The following SGIP1 variants were observed in gnomAD, a reference collection of about 807,000 sequenced individuals.
The protein encoded by SGIP1 is SH3-containing GRB2-like protein 3-interacting protein 1.
SGIP1 carries 38 observed loss-of-function variants against 107.5 expected under a neutral mutation model. The ratio of observed to expected loss-of-function variants is 0.35; its 90% CI spans 0.27 to 0.46. SGIP1 has a LOEUF of 0.46. Ranked by LOEUF, SGIP1 falls within the 20% of genes least tolerant of loss-of-function variation. The pLI, the probability that SGIP1 is intolerant of heterozygous loss-of-function variation, is 1.00. For missense variants in SGIP1, 929 were observed against 1,019.5 expected (o/e 0.91, Z 1.21); for synonymous variants, 365 against 366.1 (o/e 1.00, Z 0.03).
At chr1:66,572,434 A>G (rs185741905) in intron 1 of SGIP1, among the ~76,000 whole-genome samples, 90 of 152,186 alleles carry the variant, frequency 5.9e-4, no homozygotes, top group Middle Eastern at 3.4e-3. Flanking sequence ...CCGACCCAGC[A>G]ATACCTAATT....
chr1:66,718,330 A>T (rs1203668237), intron 18 of SGIP1, among the ~76,000 whole-genome samples: 1 of 152,130 alleles, frequency 6.6e-6, no homozygotes, highest in Non-Finnish European at 1.5e-5. Flanking sequence ...ACAAAAAAAA[A>T]ATCTTAAATG....
At chr1:66,566,944 G>A (rs1449936540) in intron 1 of SGIP1, among the ~76,000 whole-genome samples, 1 of 151,886 alleles carries the variant, frequency 6.6e-6, no homozygotes, top group Non-Finnish European at 1.5e-5. Flanking sequence ...TTTCACTTAT[G>A]AGTGTGAACA....
At chr1:66,733,576 T>C (rs974617170) in intron 20 of SGIP1, among the ~76,000 whole-genome samples, 172 bp from the exon 21 acceptor site, 5 of 152,232 alleles carry the variant, frequency 3.3e-5, no homozygotes, top group African/African-American at 7.2e-5. Context: ...ACCATAGCAT[T>C]CAGAACTGTA....
chr1:66,734,667 G>A (rs1251040060), intron 21 of SGIP1, among the ~76,000 whole-genome samples: 1 of 151,868 alleles, frequency 6.6e-6, no homozygotes, highest in East Asian at 1.9e-4. Context: ...ACCAAGCCCT[G>A]CTAATTTTTT....
chr1:66,604,056 A>G (rs1396990830), intron 1 of SGIP1, among the ~76,000 whole-genome samples: 1 of 152,168 alleles, frequency 6.6e-6, no homozygotes, highest in Non-Finnish European at 1.5e-5. Flanking sequence ...TAGTTTATGA[A>G]TCCCCGTTAT....
chr1:66,651,493 GA>G (rs58928879), intron 7 of SGIP1, among the ~76,000 whole-genome samples: 19,545 of 151,836 alleles, frequency 0.13, 1,345 homozygotes, highest in Admixed American at 0.18. Context: ...TCTCTTTCTA[GA>G]AAAAAAAGTT....
At chr1:66,559,411 C>T (rs2058625343) in intron 1 of SGIP1, among the ~76,000 whole-genome samples, 1 of 152,060 alleles carries the variant, frequency 6.6e-6, no homozygotes, top group Non-Finnish European at 1.5e-5. Context: ...TACCTACACA[C>T]ACCTACATAA....
At position 66,711,772 on chromosome 1, in the gene SGIP1, T is replaced by A. The variant is rs544330891; in HGVS notation, c.1631-7522T>A. Among the ~76,000 whole-genome samples the A allele has an allele frequency of 2.0e-5, 3 of 152,260 alleles. No homozygotes were observed. In the East Asian group the frequency reaches 5.8e-4, roughly 29 times the overall value. On this transcript the variant is annotated intron_variant, in intron 18 of 24. Transcript: ENST00000371037. ...AGTCTTTAAACAAATCAGACCACTC[T>A]CTCCTGCTGCCCATGCTTCAGATTG...
intron 18 of SGIP1, among the ~76,000 whole-genome samples, chr1:66,708,076 C>T (rs1296225310): frequency 6.6e-6 from 1 of 152,128 alleles, no homozygotes; most frequent in East Asian, 1.9e-4. Flanking sequence ...TAGGGGCAAA[C>T]ATCTTTAACA....
chr1:66,633,244 G>T (rs2149399938), intron 3 of SGIP1, 150 bp downstream of exon 3: 1 of 649,876 alleles, frequency 1.5e-6, no homozygotes, highest in Non-Finnish European at 2.7e-6. Flanking sequence ...TATATTAATT[G>T]CATGGGACAT....
chr1:66,705,844 G>T (rs6668681), intron 18 of SGIP1, among the ~76,000 whole-genome samples: 64,242 of 151,728 alleles, frequency 0.42, 14,164 homozygotes, highest in East Asian at 0.72. Flanking sequence ...CACAGGGAGG[G>T]GAACAACACA....
intron 18 of SGIP1, among the ~76,000 whole-genome samples, chr1:66,709,109 G>A (rs2092726549): frequency 6.6e-6 from 1 of 152,010 alleles, no homozygotes; most frequent in African/African-American, 2.4e-5. Flanking sequence ...GTATACATGT[G>A]CCATGGTGGT....
At chr1:66,676,959 GA>G in intron 12 of SGIP1, 44 bp from the exon 13 acceptor site, 1 of 1,500,810 alleles carries the variant, frequency 6.7e-7, no homozygotes. Flanking sequence ...AAAGTATGGG[GA>G]TTTTTTTTAA....
chr1:66,600,545 TAGG>T (rs1440864824), intron 1 of SGIP1, among the ~76,000 whole-genome samples: 1 of 152,076 alleles, frequency 6.6e-6, no homozygotes, highest in Non-Finnish European at 1.5e-5. Context: ...GAAGCACAAG[TAGG>T]AGTTTTGCTG....
chr1:66,651,969 C>T (rs904301474), intron 7 of SGIP1, among the ~76,000 whole-genome samples: 1 of 152,104 alleles, frequency 6.6e-6, no homozygotes, highest in African/African-American at 2.4e-5. Flanking sequence ...AATGCCCAGT[C>T]ATGATCAAAA....
chr1:66,703,146 C>G (rs1055048042), intron 18 of SGIP1, among the ~76,000 whole-genome samples: 2 of 152,316 alleles, frequency 1.3e-5, no homozygotes, highest in East Asian at 3.9e-4. Flanking sequence ...TCCATGAGCT[C>G]TTCTAGCTAC....
intron 1 of SGIP1, among the ~76,000 whole-genome samples, chr1:66,544,734 A>T (rs2055938089): frequency 1.3e-5 from 2 of 152,104 alleles, no homozygotes; most frequent in Admixed American, 6.6e-5. Flanking sequence ...TAGGTGATCT[A>T]CCTGTGCACC....
chr1:66,559,304 A>G (rs949954480), intron 1 of SGIP1, among the ~76,000 whole-genome samples: 1 of 152,048 alleles, frequency 6.6e-6, no homozygotes, highest in African/African-American at 2.4e-5. Context: ...CATTTTTCAA[A>G]TATTAGGGCA....
intron 8 of SGIP1, among the ~76,000 whole-genome samples, chr1:66,665,269 A>T (rs1194415138): frequency 6.6e-6 from 1 of 152,122 alleles, no homozygotes; most frequent in African/African-American, 2.4e-5. Context: ...GATGGTTTCC[A>T]GCTTCATCCA....
Sources: gnomAD v4.1 joint callset for allele counts (sites outside exome capture counted in the v4.1 genomes callset) on GRCh38, gnomAD v4.1.1 for gene constraint, MANE v1.5 for transcripts, NCBI Gene and HGNC (gene_info 2026-07-23, HGNC 2026-07-21) for gene names.